Variants in PDYN observed in about 807,000 individuals in gnomAD.
PDYN encodes proenkephalin-B.
In PDYN, 5 loss-of-function variants were observed where a neutral mutation model predicts 11.4. That is an observed-to-expected ratio of 0.44 (90% CI 0.23 to 0.92). The LOEUF is 0.92. PDYN is among the 40% of genes least tolerant of loss of function. PDYN has a pLI of 0.24. For missense variants in PDYN, 337 were observed against 317.3 expected, an observed-to-expected ratio of 1.06 and a Z score of -0.47; for synonymous variants, 132 against 129.5, an observed-to-expected ratio of 1.02 and a Z score of -0.13.
rs767560401 is a variant in PDYN at position 1,980,772 on chromosome 20, G to C, written c.316C>G (p.Leu106Val). The change falls in exon 4 of 4, where the codon CTG becomes GTG. Residue 106 changes from leucine to valine, a missense_variant. Transcript: ENST00000217305. Reference protein sequence around the residue: ...AKLSGSFLKELEKSKFLPSIS... With the variant: ...AKLSGSFLKEVEKSKFLPSIS... Reference sequence around the variant, plus strand: ...CTTGGGAGAAACTTGCTTTTCTCCAGCTCCTTCAGGAATGACCCAGAGAGC... The same window carrying C: ...CTTGGGAGAAACTTGCTTTTCTCCACCTCCTTCAGGAATGACCCAGAGAGC... The C allele has an allele frequency of 2.5e-6, 4 of 1,614,160 alleles. No individual in the cohort carries two copies. Among genetic ancestry groups the C allele is most frequent in the East Asian group, 4.5e-5 (2 of 44,878 alleles).
chr20:1,982,678 C>T (rs1987899397), intron 3 of PDYN, among the ~76,000 whole-genome samples: 1 of 152,182 alleles, frequency 6.6e-6, no homozygotes, highest in Non-Finnish European at 1.5e-5. Flanking sequence ...GTCAGCACCA[C>T]CTCAGAAATG....
intron 2 of PDYN, among the ~76,000 whole-genome samples, chr20:1,990,083 C>T (rs2122389322): frequency 6.6e-6 from 1 of 152,344 alleles, no homozygotes; most frequent in South Asian, 2.1e-4. Flanking sequence ...TGAGAAGGGA[C>T]AAGCTCTTTG....
intron 2 of PDYN, among the ~76,000 whole-genome samples, chr20:1,989,656 T>G (rs1988346752): frequency 6.6e-6 from 1 of 152,192 alleles, no homozygotes; most frequent in South Asian, 2.1e-4. Flanking sequence ...AACATTGCAA[T>G]TATCTCTCTG....
At chr20:1,989,696 T>G (rs1469577938) in intron 2 of PDYN, among the ~76,000 whole-genome samples, 2 of 152,190 alleles carry the variant, frequency 1.3e-5, no homozygotes, top group South Asian at 4.1e-4. Flanking sequence ...TTACCCCTAT[T>G]TGATGAAAGA....
chr20:1,980,356 C>A lies in PDYN; in HGVS notation c.732G>T (p.Pro244=). The change falls in exon 4 of 4, where the codon CCG becomes CCT. Residue 244 remains proline, a synonymous_variant. Coordinates refer to ENST00000217305, the MANE Select transcript of PDYN (RefSeq NM_024411.5). ...FKVVTRSQED[P]NAYSGELFDA is the part of the protein sequence containing the mutation. ...CAAAAAGCTCTCCAGAGTAAGCATT[C>A]GGATCTTCCTGAGACCGAGTCACCA... 1 of 1,614,146 alleles carries A rather than the reference C, an allele frequency of 6.2e-7. No homozygotes were observed. The highest frequency in any genetic ancestry group is 8.5e-7 in the Non-Finnish European group (1 of 1,180,034).
chr20:1,992,012 A>C (rs990369124), intron 2 of PDYN, among the ~76,000 whole-genome samples: 3 of 152,204 alleles, frequency 2.0e-5, no homozygotes, highest in Non-Finnish European at 4.4e-5. Flanking sequence ...ATGGAGAGAA[A>C]GGTCCAACCT....
chr20:1,986,823 GC>G (rs1988208625), intron 2 of PDYN, among the ~76,000 whole-genome samples: 2 of 152,290 alleles, frequency 1.3e-5, no homozygotes, highest in Admixed American at 1.3e-4. Flanking sequence ...CACCCTCCAA[GC>G]CTTTGCACAA....
intron 2 of PDYN, among the ~76,000 whole-genome samples, chr20:1,983,720 T>A (rs910364899): frequency 1.3e-5 from 2 of 152,116 alleles, no homozygotes; most frequent in African/African-American, 2.4e-5. Context: ...GATTCCTCCT[T>A]CCTACCCTGA....
At chr20:1,983,183 C>G (rs1255471332) in intron 2 of PDYN, 80 bp from the exon 3 acceptor site, 1 of 1,222,514 alleles carries the variant, frequency 8.2e-7, no homozygotes, top group Non-Finnish European at 1.2e-6. Flanking sequence ...AAAGTCATCT[C>G]TAACTCCTGC....
chr20:1,988,277 G>A (rs1988279768), intron 2 of PDYN, among the ~76,000 whole-genome samples: 1 of 152,206 alleles, frequency 6.6e-6, no homozygotes, highest in Non-Finnish European at 1.5e-5. Flanking sequence ...ATGAATGGGG[G>A]AGTTGGGCTC....
At chr20:1,981,188 G>T (rs1987761371) in intron 3 of PDYN, among the ~76,000 whole-genome samples, 1 of 152,208 alleles carries the variant, frequency 6.6e-6, no homozygotes, top group African/African-American at 2.4e-5. Context: ...AGGACACATG[G>T]CTGCAGGTGG....
At chr20:1,992,695 A>AG (rs1399530544) in intron 1 of PDYN, 52 bp from the exon 2 acceptor site, 17 of 152,280 alleles carry the variant, frequency 1.1e-4, no homozygotes, top group African/African-American at 3.9e-4. Context: ...GGAGAAGAGG[A>AG]GGGGAAAAGA....
rs186239526 is a variant in PDYN at position 1,988,026 on chromosome 20, G to A, written c.-20+4558C>T. Among the ~76,000 whole-genome samples, 237 of 152,306 alleles carry A rather than the reference G, an allele frequency of 1.6e-3. 1 individual carries two copies. Among genetic ancestry groups the A allele is most frequent in the Non-Finnish European group, 3.0e-3 (202 of 68,036 alleles). On this transcript the variant is annotated intron_variant, in intron 2 of 3. Transcript: ENST00000217305. ...TGCATGACTCACTGCCGTGGACGGA[G>A]GGCCTGCTGGGTGTTGGTCTGGGCT...
chr20:1,984,104 T>C (rs767779433), intron 2 of PDYN, among the ~76,000 whole-genome samples: 10 of 152,222 alleles, frequency 6.6e-5, no homozygotes, highest in Non-Finnish European at 1.3e-4. Flanking sequence ...AATAGTCTAC[T>C]ATTTGGTAAT....
At position 1,980,371 on chromosome 20, in the gene PDYN, C is replaced by G. The variant is rs753089640; in HGVS notation, c.717G>C (p.Arg239=). ...FLRRQFKVVT[R]SQEDPNAYSG... ...AGTAAGCATTCGGATCTTCCTGAGA[C>G]CGAGTCACCACCTTGAACTGGCGCC... Residue 239 remains arginine (R), a synonymous_variant, in exon 4 of 4, where the codon CGG becomes CGC. Transcript: ENST00000217305. 9 of 1,614,132 alleles carry G rather than the reference C, an allele frequency of 5.6e-6. No homozygotes were observed. Among genetic ancestry groups the G allele is most frequent in the Non-Finnish European group, 7.6e-6 (9 of 1,180,046 alleles).
chr20:1,980,505 C>T lies in PDYN; in HGVS notation c.583G>A (p.Gly195Arg), dbSNP rs766877230. The T allele has an allele frequency of 1.8e-5, 29 of 1,612,976 alleles. No homozygotes were observed. Among genetic ancestry groups the T allele is most frequent in the Non-Finnish European group, 2.3e-5 (27 of 1,179,282 alleles). Residue 195 changes from glycine (G) to arginine (R), a missense_variant, in exon 4 of 4, where the codon GGG becomes AGG. Gly to Arg is a moderately radical substitution (Grantham distance 125). Coordinates refer to ENST00000217305, the MANE Select transcript of PDYN (RefSeq NM_024411.5). ...AGGTCCTCATGGCCCATGCTATCCCCGTCCCCCTCCCCAGCCACCTCTGAG... is the reference window on the plus strand; with the variant it reads ...AGGTCCTCATGGCCCATGCTATCCCTGTCCCCCTCCCCAGCCACCTCTGAG... The part of the protein sequence containing the change: ...RSSEVAGEGD[G>R]DSMGHEDLYK...
intron 2 of PDYN, among the ~76,000 whole-genome samples, chr20:1,987,119 G>A (rs2223671): frequency 0.055 from 8,446 of 152,204 alleles, 729 homozygotes; most frequent in African/African-American, 0.19. Context: ...ATGAAGGGAC[G>A]TAAGGGAGAG....
Position 1,980,050 on chromosome 20 carries a change from G to A in PDYN, c.*273C>T, listed in dbSNP as rs922833724. The A allele has an allele frequency of 5.1e-5, 26 of 511,760 alleles. No individual in the cohort carries two copies. Among genetic ancestry groups the A allele is most frequent in the South Asian group, 4.6e-4 (23 of 50,444 alleles). The allele number at this position is 511,760 out of a possible 1,614,324, so 31.7% of individuals were successfully genotyped here. A position where few individuals can be genotyped will look rare whatever the true frequency, so the allele number is the denominator to read the frequency against. On this transcript the variant is annotated 3_prime_UTR_variant, in exon 4 of 4. Transcript: ENST00000217305. ...GGACAGATCACAAACTGCTGCTGCT[G>A]CTGCTGCTGCCGCTGCTGATAGTTT...
At chr20:1,981,040 CTG>C in intron 3 of PDYN, 82 bp from the exon 4 acceptor site, 1 of 1,522,304 alleles carries the variant, frequency 6.6e-7, no homozygotes, top group Non-Finnish European at 9.0e-7. Flanking sequence ...TGTCCAGTGT[CTG>C]AGAAAACCAA....
Sources: allele counts gnomAD v4.1 joint callset (sites outside exome capture counted in the v4.1 genomes callset), GRCh38; gene constraint gnomAD v4.1.1; transcripts MANE v1.5; gene names NCBI Gene and HGNC (gene_info 2026-07-23, HGNC 2026-07-21).